The following CTNNA2 variants were observed in gnomAD, a reference collection of about 807,000 sequenced individuals.
The protein encoded by CTNNA2 is catenin alpha 2.
A neutral mutation model predicts 101.0 loss-of-function variants in CTNNA2; 42 were observed. The observed-to-expected ratio is 0.42, with a 90% CI of 0.32 to 0.54. The LOEUF (loss-of-function observed/expected upper bound fraction) is 0.54, where lower values mean the gene tolerates loss of function less well. Ranked by LOEUF, CTNNA2 falls within the 20% of genes least tolerant of loss-of-function variation. CTNNA2 has a pLI of 0.14. For synonymous variants in CTNNA2, 450 were observed against 456.4 expected (o/e 0.99, Z 0.18); for missense variants, 871 against 1,223.1 (o/e 0.71, Z 4.29).
At chr2:79,482,485 C>G (rs773468202) in intron 4 of CTNNA2, among the ~76,000 whole-genome samples, 1 of 152,116 alleles carries the variant, frequency 6.6e-6, no homozygotes, top group African/African-American at 2.4e-5. Flanking sequence ...GGAATTGTGG[C>G]AGCGCAGCTA....
At chr2:80,563,346 C>A (rs1693773045) in intron 12 of CTNNA2, among the ~76,000 whole-genome samples, 1 of 152,180 alleles carries the variant, frequency 6.6e-6, no homozygotes. Flanking sequence ...GTGTTTGAAT[C>A]AGAGGAAGAA....
intron 3 of CTNNA2, among the ~76,000 whole-genome samples, chr2:79,746,557 C>T (rs547586216): frequency 5.3e-5 from 8 of 152,290 alleles, no homozygotes; most frequent in South Asian, 2.1e-4. Flanking sequence ...AATCTTAGTG[C>T]CATTCTTGTT....
intron 6 of CTNNA2, among the ~76,000 whole-genome samples, chr2:79,877,494 T>G (rs1433637782): frequency 1.3e-5 from 2 of 152,190 alleles, no homozygotes; most frequent in Non-Finnish European, 2.9e-5. Flanking sequence ...ATTTTATGAC[T>G]AAATTATAAA....
intron 3 of CTNNA2, among the ~76,000 whole-genome samples, chr2:79,832,867 T>C (rs187186115): frequency 6.6e-6 from 1 of 152,344 alleles, no homozygotes; most frequent in Non-Finnish European, 1.5e-5. Flanking sequence ...CAGTTCTCCT[T>C]CGACCATTGT....
chr2:79,818,537 G>A (rs1193036686), intron 3 of CTNNA2, among the ~76,000 whole-genome samples: 3 of 150,986 alleles, frequency 2.0e-5, no homozygotes, highest in African/African-American at 7.3e-5. Flanking sequence ...GTCTGGTCTC[G>A]AACTGCTGAC....
At chr2:80,534,266 A>G (rs1007001454) in intron 9 of CTNNA2, among the ~76,000 whole-genome samples, 7 of 152,086 alleles carry the variant, frequency 4.6e-5, no homozygotes, top group African/African-American at 1.7e-4. Context: ...GGGACCATGA[A>G]CAAATTTCTT....
intron 7 of CTNNA2, among the ~76,000 whole-genome samples, chr2:80,090,236 G>A (rs1363919277): frequency 6.6e-6 from 1 of 151,470 alleles, no homozygotes; most frequent in Non-Finnish European, 1.5e-5. Flanking sequence ...CTACATGTGA[G>A]TTTTGCTTGT....
intron 3 of CTNNA2, among the ~76,000 whole-genome samples, chr2:79,819,424 A>G (rs1483587944): frequency 6.6e-6 from 1 of 152,190 alleles, no homozygotes; most frequent in African/African-American, 2.4e-5. Context: ...TTTAGAATCT[A>G]GAAAATTACT....
intron 3 of CTNNA2, among the ~76,000 whole-genome samples, chr2:79,835,833 A>G (rs1214325362): frequency 1.3e-5 from 2 of 151,752 alleles, no homozygotes; most frequent in Non-Finnish European, 2.9e-5. Flanking sequence ...GGGTTTCACC[A>G]TGTTGGCCAG....
intron 7 of CTNNA2, among the ~76,000 whole-genome samples, chr2:80,077,796 C>T (rs959456437): frequency 2.0e-5 from 3 of 152,004 alleles, no homozygotes; most frequent in Non-Finnish European, 2.9e-5. Flanking sequence ...CAGCTGGAAG[C>T]GAGAGGAGCA....
At chr2:80,177,573 A>G (rs1006157938) in intron 7 of CTNNA2, among the ~76,000 whole-genome samples, 1 of 152,062 alleles carries the variant, frequency 6.6e-6, no homozygotes, top group Non-Finnish European at 1.5e-5. Flanking sequence ...CACTTTTTTC[A>G]TGGGCCCACT....
chr2:79,953,742 G>A (rs982250032), intron 7 of CTNNA2, among the ~76,000 whole-genome samples: 4 of 152,160 alleles, frequency 2.6e-5, no homozygotes, highest in African/African-American at 9.7e-5. Flanking sequence ...GGGTTATCAT[G>A]TGGATTGAAG....
At chr2:79,795,324 C>T (rs1292782850) in intron 3 of CTNNA2, among the ~76,000 whole-genome samples, 1 of 151,806 alleles carries the variant, frequency 6.6e-6, no homozygotes, top group Non-Finnish European at 1.5e-5. Flanking sequence ...GACTAATTGT[C>T]TTAAAAGATT....
At chr2:79,515,903 T>G (rs935116011) in intron 1 of CTNNA2, among the ~76,000 whole-genome samples, 5 of 152,148 alleles carry the variant, frequency 3.3e-5, no homozygotes, top group Admixed American at 2.0e-4. Context: ...TGTGTCTCCC[T>G]CCCTCAGAGC....
At chr2:79,226,664 T>C (rs1237998147) in intron 2 of CTNNA2, among the ~76,000 whole-genome samples, 1 of 152,222 alleles carries the variant, frequency 6.6e-6, no homozygotes, top group African/African-American at 2.4e-5. Context: ...ATAGTCCATT[T>C]ATTCTTTGGA....
At chr2:79,671,853 G>A (rs1172729735) in intron 2 of CTNNA2, among the ~76,000 whole-genome samples, 1 of 152,186 alleles carries the variant, frequency 6.6e-6, no homozygotes, top group African/African-American at 2.4e-5. Context: ...GATTACCTGT[G>A]TCATAGGTGA....
chr2:80,490,271 TCCCCCCCCAC>T (rs1440370676), intron 9 of CTNNA2, among the ~76,000 whole-genome samples: 5 of 51,848 alleles, frequency 9.6e-5, no homozygotes, highest in Non-Finnish European at 1.3e-4. Flanking sequence ...TTTTTTTCCT[TCCCCCCCCAC>T]CCCCCCCCCG....
intron 18 of CTNNA2, among the ~76,000 whole-genome samples, chr2:80,645,379 G>A (rs544956978): frequency 3.6e-4 from 55 of 152,154 alleles, no homozygotes; most frequent in Non-Finnish European, 1.0e-4. Context: ...TGGGAAAGAC[G>A]AAAAAGTAAA....
intron 2 of CTNNA2, among the ~76,000 whole-genome samples, chr2:79,741,482 T>C (rs1207244399): frequency 6.6e-6 from 1 of 152,164 alleles, no homozygotes; most frequent in African/African-American, 2.4e-5. Flanking sequence ...ATCTTGAGTC[T>C]TCCCATCCAA....
Sources: gnomAD v4.1 joint callset for allele counts (sites outside exome capture counted in the v4.1 genomes callset) on GRCh38, gnomAD v4.1.1 for gene constraint, MANE v1.5 for transcripts, NCBI Gene and HGNC (gene_info 2026-07-23, HGNC 2026-07-21) for gene names.